CPNE3: variants seen among roughly 807,000 people sequenced by gnomAD.
CPNE3 encodes copine-3.
A neutral mutation model predicts 63.9 loss-of-function variants in CPNE3; 68 were observed. The ratio of observed to expected loss-of-function variants is 1.06; its 90% CI spans 0.87 to 1.30. The LOEUF (loss-of-function observed/expected upper bound fraction) is 1.30. CPNE3 is among the 50% of genes most tolerant of loss of function. The pLI is 0.00. For missense variants in CPNE3, 665 were observed against 578.1 expected (o/e 1.15, Z -1.54); for synonymous variants, 219 against 197.5 (o/e 1.11, Z -0.91).
At position 86,546,658 on chromosome 8, in the gene CPNE3, G is replaced by A; in HGVS notation, c.796G>A (p.Val266Ile). Reference sequence around the variant, plus strand: ...GAAAAAAAGCTACAAGAATTCAGGTGTTATCAGTGTGAAACAGTGTGAGGT... The same window carrying A: ...GAAAAAAAGCTACAAGAATTCAGGTATTATCAGTGTGAAACAGTGTGAGGT... ...QKKKSYKNSG[V>I]ISVKQCEITV... Residue 266 changes from valine (V) to isoleucine (I), a missense_variant, in exon 10 of 17, where the codon GTT (valine) becomes ATT (isoleucine). By Grantham distance (29) the Val-to-Ile change is conservative (BLOSUM62 3). Coordinates refer to ENST00000517490, the MANE Select transcript of CPNE3 (RefSeq NM_003909.5). The A allele has an allele frequency of 6.2e-7, 1 of 1,613,550 alleles. No homozygotes were observed. The highest frequency in any genetic ancestry group is 1.3e-5 in the African/African-American group (1 of 74,998).
At chr8:86,550,948 C>T in intron 12 of CPNE3, 98 bp from the exon 13 acceptor site, 1 of 1,211,398 alleles carries the variant, frequency 8.3e-7, no homozygotes, top group Non-Finnish European at 1.1e-6. Flanking sequence ...TATCTTCATA[C>T]TTTTTGAAAT....
intron 7 of CPNE3, among the ~76,000 whole-genome samples, chr8:86,538,159 G>A (rs1820847454): frequency 6.6e-6 from 1 of 152,192 alleles, no homozygotes; most frequent in Admixed American, 6.5e-5. Context: ...TGGATCACTT[G>A]AGGTCAGGAG....
chr8:86,545,052 G>C (rs1204355664), intron 9 of CPNE3: 1 of 301,712 alleles, frequency 3.3e-6, no homozygotes, highest in African/African-American at 2.2e-5. Flanking sequence ...ACTAATGCCA[G>C]ATGAGGACTC....
intron 12 of CPNE3, among the ~76,000 whole-genome samples, chr8:86,548,833 T>TTAAATACTAAATACTATTTA (rs531234622): frequency 1.3e-5 from 2 of 151,972 alleles, no homozygotes; most frequent in East Asian, 3.8e-4. Flanking sequence ...ATTATTTATG[T>TTAAATACTAAATACTATTTA]TAAATACTAA....
intron 5 of CPNE3, among the ~76,000 whole-genome samples, chr8:86,531,471 C>T (rs1482155983): frequency 6.6e-6 from 1 of 152,042 alleles, no homozygotes; most frequent in Admixed American, 6.6e-5. Flanking sequence ...AGGTCAAGTG[C>T]ACCTTTAGCG....
intron 14 of CPNE3, chr8:86,551,600 A>G (rs943899766): frequency 6.2e-6 from 1 of 161,796 alleles, no homozygotes; most frequent in African/African-American, 2.4e-5. Context: ...ACAAACCTTC[A>G]ATAAAATGAG....
intron 15 of CPNE3, 103 bp from the exon 16 acceptor site, chr8:86,555,999 T>A: frequency 1.4e-6 from 1 of 730,412 alleles, no homozygotes; most frequent in Non-Finnish European, 2.5e-6. Context: ...GGGTAGAGAC[T>A]GGCAAGGAAA....
At chr8:86,553,703 C>T (rs2131500380) in intron 14 of CPNE3, among the ~76,000 whole-genome samples, 1 of 150,126 alleles carries the variant, frequency 6.7e-6, no homozygotes, top group Admixed American at 6.6e-5. Flanking sequence ...GATCTGTGTT[C>T]TCTTAGACAT....
At chr8:86,528,742 T>G (rs1410170934) in intron 3 of CPNE3, 65 bp downstream of exon 3, 1 of 1,522,978 alleles carries the variant, frequency 6.6e-7, no homozygotes, top group African/African-American at 1.4e-5. Flanking sequence ...GAAGAGTTTT[T>G]TTAATGTTAA....
chr8:86,521,031 A>G (rs1255973927), intron 2 of CPNE3, among the ~76,000 whole-genome samples: 1 of 152,218 alleles, frequency 6.6e-6, no homozygotes, highest in Non-Finnish European at 1.5e-5. Context: ...GATTAAAAAA[A>G]TACATCTGGG....
At chr8:86,535,770 C>T (rs985450658) in intron 6 of CPNE3, among the ~76,000 whole-genome samples, 4 of 152,126 alleles carry the variant, frequency 2.6e-5, no homozygotes, top group African/African-American at 9.7e-5. Context: ...TGTTTTGTCT[C>T]ACACAACGTT....
intron 6 of CPNE3, among the ~76,000 whole-genome samples, chr8:86,533,589 A>T (rs1156667468): frequency 6.6e-6 from 1 of 151,316 alleles, no homozygotes; most frequent in Non-Finnish European, 1.5e-5. Flanking sequence ...TAGGCTGGGG[A>T]CTTTTTTTTT....
chr8:86,555,062 T>C, intron 15 of CPNE3, 78 bp downstream of exon 15: 4 of 1,590,828 alleles, frequency 2.5e-6, no homozygotes, highest in Non-Finnish European at 2.6e-6. Context: ...ATGTTTTTGG[T>C]TTGTCATAAT....
intron 6 of CPNE3, among the ~76,000 whole-genome samples, chr8:86,537,241 A>G (rs981804457): frequency 1.3e-5 from 2 of 152,338 alleles, no homozygotes; most frequent in Middle Eastern, 6.8e-3. Flanking sequence ...TGATATGTGA[A>G]TGAAAATGGT....
At chr8:86,536,482 T>G (rs566933313) in intron 6 of CPNE3, among the ~76,000 whole-genome samples, 13 of 152,136 alleles carry the variant, frequency 8.5e-5, no homozygotes, top group African/African-American at 3.1e-4. Flanking sequence ...CACTTAAGAT[T>G]CTTCTTAGAG....
chr8:86,558,570 T>TG lies in CPNE3; in HGVS notation c.*166dup, dbSNP rs1821373265. The TG allele has an allele frequency of 4.9e-6, 3 of 607,972 alleles. No individual in the cohort carries two copies. The highest frequency in any genetic ancestry group is 2.7e-4 in the Middle Eastern group (1 of 3,706). 37.7% of individuals were successfully genotyped at this position (607,972 alleles called of 1,614,324 possible). A position where few individuals can be genotyped will look rare whatever the true frequency, so the allele number is the denominator to read the frequency against. On this transcript the variant is annotated 3_prime_UTR_variant, in exon 17 of 17. Transcript: ENST00000517490. ...TTAAAGCATTCTTTCTAGGTTATTT[T>TG]GGGGGGACAGTGCCAAGTCCATCTT... is the stretch of plus-strand genomic sequence containing the variant.
chr8:86,547,797 A>C (rs768159957), intron 11 of CPNE3, 27 bp downstream of exon 11: 2 of 1,055,924 alleles, frequency 1.9e-6, no homozygotes, highest in African/African-American at 3.1e-5. Flanking sequence ...ATTTTTCAGC[A>C]TAGGCTTTTT....
At chr8:86,546,479 G>A in intron 9 of CPNE3, 116 bp from the exon 10 acceptor site, 1 of 964,038 alleles carries the variant, frequency 1.0e-6, no homozygotes, top group Non-Finnish European at 1.6e-6. Flanking sequence ...TTTTGCAACA[G>A]ACCTACATCA....
Position 86,551,706 on chromosome 8 carries a change from C to G in CPNE3, c.1120+472C>G, listed in dbSNP as rs564739941. On this transcript the variant is annotated intron_variant, in intron 14 of 16. Coordinates refer to ENST00000517490, the MANE Select transcript of CPNE3 (RefSeq NM_003909.5). ...CAGCATCTAATACTTGTTGCTCACACAGTATTCTATAAGTAGCTGGGATGG... is the reference window on the plus strand; with the variant it reads ...CAGCATCTAATACTTGTTGCTCACAGAGTATTCTATAAGTAGCTGGGATGG... 4.3e-4 allele frequency among the ~76,000 whole-genome samples: 66 copies of G among 152,300 alleles called. 1 individual carries two copies. The highest frequency in any genetic ancestry group is 3.4e-3 in the Middle Eastern group (1 of 294).
Sources: gnomAD v4.1 joint callset for allele counts (sites outside exome capture counted in the v4.1 genomes callset) on GRCh38, gnomAD v4.1.1 for gene constraint, MANE v1.5 for transcripts, NCBI Gene and HGNC (gene_info 2026-07-23, HGNC 2026-07-21) for gene names.